CDH18: variants seen among roughly 807,000 people sequenced by gnomAD.
The protein encoded by CDH18 is cadherin-18.
A neutral mutation model predicts 67.9 loss-of-function variants in CDH18; 31 were observed. The ratio of observed to expected loss-of-function variants is 0.46; its 90% CI spans 0.34 to 0.62. The LOEUF (loss-of-function observed/expected upper bound fraction) is 0.62. CDH18 is among the 20% of genes least tolerant of loss of function. The pLI, the probability that CDH18 is intolerant of heterozygous loss-of-function variation, is 0.01. For synonymous variants in CDH18, 362 were observed against 347.2 expected (o/e 1.04, Z -0.48); for missense variants, 890 against 975.5 (o/e 0.91, Z 1.17).
intron 1 of CDH18, among the ~76,000 whole-genome samples, chr5:20,480,378 G>T (rs1036959172): frequency 1.6e-4 from 24 of 152,102 alleles, no homozygotes; most frequent in Non-Finnish European, 3.4e-4. Context: ...GTAACAAATA[G>T]TTCAATAAGG....
In CDH18 at chr5:20,485,546, A is replaced by G. The variant is rs185904361; in HGVS notation, c.-580+89916T>C. ...CTCATATGTGTATATGGCTGTGCAG[A>G]AAAGATAAAGTTCATCTAATAAATT... On this transcript the variant is annotated intron_variant, in intron 1 of 14. Coordinates refer to the CDH18 transcript ENST00000507958. Among the ~76,000 whole-genome samples, 335 of 152,302 alleles carry G rather than the reference A, an allele frequency of 2.2e-3. 1 individual carries two copies. Among genetic ancestry groups the G allele is most frequent in the Non-Finnish European group, 2.2e-3 (153 of 68,006 alleles).
intron 3 of CDH18, among the ~76,000 whole-genome samples, chr5:19,795,947 T>C (rs1292545524): frequency 6.6e-6 from 1 of 152,024 alleles, no homozygotes; most frequent in East Asian, 1.9e-4. Context: ...ATAACAGGAA[T>C]GAAAACATTG....
intron 2 of CDH18, among the ~76,000 whole-genome samples, chr5:20,013,051 T>C (rs1470375057): frequency 6.6e-6 from 1 of 152,128 alleles, no homozygotes; most frequent in Non-Finnish European, 1.5e-5. Flanking sequence ...CCTGCACATG[T>C]ACTGGTGAAC....
At chr5:19,551,018 T>C (rs1391302065) in intron 8 of CDH18, among the ~76,000 whole-genome samples, 2 of 152,332 alleles carry the variant, frequency 1.3e-5, no homozygotes, top group East Asian at 1.9e-4. Flanking sequence ...TGAAAGAATA[T>C]AATTATTACC....
chr5:20,369,550 G>A (rs62352809), intron 1 of CDH18, among the ~76,000 whole-genome samples: 63,382 of 151,980 alleles, frequency 0.42, 15,242 homozygotes, highest in Middle Eastern at 0.62. Context: ...TTTTCTGATG[G>A]TTAATACCAC....
chr5:20,137,197 T>C (rs577673329), intron 2 of CDH18, among the ~76,000 whole-genome samples: 8 of 152,276 alleles, frequency 5.3e-5, no homozygotes, highest in African/African-American at 1.9e-4. Flanking sequence ...GGTTCCATTC[T>C]CCCTGTCACT....
At chr5:20,050,204 A>G (rs1221307087) in intron 2 of CDH18, among the ~76,000 whole-genome samples, 5 of 151,838 alleles carry the variant, frequency 3.3e-5, no homozygotes, top group African/African-American at 1.2e-4. Flanking sequence ...GCATTTCCTA[A>G]TAAAGGTTTC....
chr5:19,593,887 T>A (rs1044749256), intron 6 of CDH18, among the ~76,000 whole-genome samples: 1 of 151,996 alleles, frequency 6.6e-6, no homozygotes, highest in African/African-American at 2.4e-5. Context: ...CTTTGTTGTG[T>A]TAAAAATTTA....
chr5:20,207,828 T>A (rs114868929), intron 2 of CDH18, among the ~76,000 whole-genome samples: 1 of 152,010 alleles, frequency 6.6e-6, no homozygotes, highest in Non-Finnish European at 1.5e-5. Flanking sequence ...CTAAAATGTA[T>A]ATATAACTAC....
intron 1 of CDH18, among the ~76,000 whole-genome samples, chr5:20,466,635 GGACA>G (rs1467228432): frequency 6.6e-6 from 1 of 152,046 alleles, no homozygotes; most frequent in East Asian, 1.9e-4. Context: ...TCCTAGCTAT[GGACA>G]GACAATCTGA....
chr5:20,198,554 A>G (rs891223836), intron 2 of CDH18, among the ~76,000 whole-genome samples: 1 of 152,188 alleles, frequency 6.6e-6, no homozygotes, highest in Admixed American at 6.5e-5. Flanking sequence ...AGAGAATAAA[A>G]GTTTGAAAAA....
intron 1 of CDH18, among the ~76,000 whole-genome samples, chr5:20,361,474 C>CTTT (rs1270914546): frequency 6.6e-6 from 1 of 151,910 alleles, no homozygotes; most frequent in Non-Finnish European, 1.5e-5. Flanking sequence ...GCTAATTATT[C>CTTT]ACAGGTTTTC....
chr5:20,401,435 C>T (rs10057595), intron 1 of CDH18, among the ~76,000 whole-genome samples: 83,304 of 151,898 alleles, frequency 0.55, 23,256 homozygotes, highest in Middle Eastern at 0.62. Flanking sequence ...TTTTACCTTA[C>T]ATCAAATCCT....
At chr5:19,594,642 G>T (rs1745874408) in intron 6 of CDH18, among the ~76,000 whole-genome samples, 1 of 152,120 alleles carries the variant, frequency 6.6e-6, no homozygotes, top group African/African-American at 2.4e-5. Context: ...CAGCAAGTGT[G>T]TTGCCTCCAG....
chr5:20,363,248 G>A (rs149118702), intron 1 of CDH18, among the ~76,000 whole-genome samples: 35 of 151,736 alleles, frequency 2.3e-4, no homozygotes, highest in African/African-American at 7.5e-4. Context: ...ACTTTGGGAG[G>A]CCAAGGAGGG....
chr5:19,964,658 A>G (rs559737809), intron 2 of CDH18, among the ~76,000 whole-genome samples: 1 of 151,448 alleles, frequency 6.6e-6, no homozygotes, highest in South Asian at 2.1e-4. Flanking sequence ...AAAAAAAAAA[A>G]AAAGAAAAAA....
chr5:19,838,635 G>T (rs538235166), intron 3 of CDH18, 124 bp downstream of exon 3: 1 of 641,332 alleles, frequency 1.6e-6, no homozygotes, highest in Admixed American at 2.7e-5. Flanking sequence ...TTTCTATAGC[G>T]TAATTCACTC....
At chr5:19,980,042 G>A (rs1057397574) in intron 2 of CDH18, among the ~76,000 whole-genome samples, 26 of 152,034 alleles carry the variant, frequency 1.7e-4, no homozygotes, top group African/African-American at 2.4e-4. Context: ...TGATATGATT[G>A]TTTACCTAGA....
intron 1 of CDH18, among the ~76,000 whole-genome samples, chr5:20,270,680 A>C (rs191301380): frequency 1.1e-3 from 175 of 152,260 alleles, no homozygotes; most frequent in Non-Finnish European, 1.5e-3. Flanking sequence ...AGACACATAC[A>C]CATGTATGTT....
Sources: allele counts gnomAD v4.1 joint callset (sites outside exome capture counted in the v4.1 genomes callset), GRCh38; gene constraint gnomAD v4.1.1; transcripts MANE v1.5; gene names NCBI Gene and HGNC (gene_info 2026-07-23, HGNC 2026-07-21).